The following MYOZ2 variants were observed in gnomAD, a reference collection of about 807,000 sequenced individuals.
MYOZ2 encodes the protein myozenin 2.
A neutral mutation model predicts 25.4 loss-of-function variants in MYOZ2; 19 were observed. The ratio of observed to expected loss-of-function variants is 0.75; its 90% confidence interval spans 0.52 to 1.10. The LOEUF is 1.10. MYOZ2 is among the 50% of genes least tolerant of loss of function. The pLI is 0.00. For missense variants in MYOZ2, 270 were observed against 317.9 expected, an observed-to-expected ratio of 0.85 and a Z score of 1.15; for synonymous variants, 92 against 106.9, an observed-to-expected ratio of 0.86 and a Z score of 0.86.
intron 5 of MYOZ2, among the ~76,000 whole-genome samples, chr4:119,177,308 A>G (rs762977663): frequency 1.3e-5 from 2 of 152,172 alleles, no homozygotes; most frequent in Non-Finnish European, 1.5e-5. Context: ...TTGCACTCAT[A>G]TTTAAGCAGC....
At chr4:119,155,551 G>C (rs1436848203) in intron 3 of MYOZ2, among the ~76,000 whole-genome samples, 1 of 152,160 alleles carries the variant, frequency 6.6e-6, no homozygotes, top group East Asian at 1.9e-4. Flanking sequence ...GAACAGAAAA[G>C]AGGGCATTCA....
rs146485825 is a variant in MYOZ2, at chr4:119,166,038, C to CGT, written c.560+1660_560+1661dup. On this transcript the variant is annotated intron_variant, in intron 5 of 5. Transcript: ENST00000307128. ...AAATATTACATGCTGTGTGTGTGTG[C>CGT]GTGTGTGTGTGTGTGTGAAAACTTA... Among the ~76,000 whole-genome samples, 531 of 150,338 alleles carry CGT rather than the reference C, an allele frequency of 3.5e-3. 1 individual carries two copies. The highest frequency in any genetic ancestry group is 4.8e-3 in the Non-Finnish European group (326 of 67,320).
intron 2 of MYOZ2, among the ~76,000 whole-genome samples, chr4:119,146,941 A>G (rs754226406): frequency 4.6e-5 from 7 of 152,044 alleles, no homozygotes; most frequent in Non-Finnish European, 1.0e-4. Context: ...ATCTTTGTGG[A>G]TTCGCACTTT....
At chr4:119,145,487 C>T (rs1235372826) in intron 2 of MYOZ2, among the ~76,000 whole-genome samples, 2 of 148,208 alleles carry the variant, frequency 1.3e-5, no homozygotes, top group African/African-American at 5.0e-5. Context: ...GACCAACCCA[C>T]CACCATGCCC....
chr4:119,146,607 C>A (rs966967912), intron 2 of MYOZ2, among the ~76,000 whole-genome samples: 3 of 152,000 alleles, frequency 2.0e-5, no homozygotes, highest in Non-Finnish European at 4.4e-5. Flanking sequence ...ATAATTTAAC[C>A]ATTTTAATTT....
intron 2 of MYOZ2, among the ~76,000 whole-genome samples, chr4:119,139,210 C>T (rs1741106441): frequency 6.6e-6 from 1 of 152,136 alleles, no homozygotes; most frequent in South Asian, 2.1e-4. Flanking sequence ...TTTAGATTTA[C>T]CTTCCTCATT....
chr4:119,157,216 T>C (rs1578734224), intron 3 of MYOZ2, among the ~76,000 whole-genome samples: 1 of 152,310 alleles, frequency 6.6e-6, no homozygotes, highest in East Asian at 1.9e-4. Context: ...TAATCGCTTC[T>C]TTTTAAAATA....
chr4:119,139,441 T>A (rs1741111202), intron 2 of MYOZ2, among the ~76,000 whole-genome samples: 1 of 152,222 alleles, frequency 6.6e-6, no homozygotes, highest in African/African-American at 2.4e-5. Context: ...TGGCCTCTGA[T>A]AGTCCCCACC....
intron 5 of MYOZ2, among the ~76,000 whole-genome samples, chr4:119,177,587 C>A (rs1298992998): frequency 6.6e-6 from 1 of 151,634 alleles, no homozygotes; most frequent in Non-Finnish European, 1.5e-5. Context: ...TTTTATTTTT[C>A]AAAAAAAAGT....
rs376414956 is a variant in MYOZ2 at position 119,141,108 on chromosome 4, A to G, written c.76+4507A>G. ...ATTTTATGGACTATTATTCAATTAC[A>G]TAGGCCAACTGTCCAGGGACAGGAG... On this transcript the variant is annotated intron_variant, in intron 2 of 5. Coordinates refer to ENST00000307128, the MANE Select transcript of MYOZ2 (RefSeq NM_016599.5). Among the ~76,000 whole-genome samples, 133 of 152,358 alleles carry G rather than the reference A, an allele frequency of 8.7e-4. 1 individual carries two copies. The highest frequency in any genetic ancestry group is 3.1e-3 in the African/African-American group (129 of 41,588).
chr4:119,172,428 C>G (rs533239454), intron 5 of MYOZ2, among the ~76,000 whole-genome samples: 1 of 152,168 alleles, frequency 6.6e-6, no homozygotes, highest in Non-Finnish European at 1.5e-5. Context: ...AAGATGAAAT[C>G]AGAGTGAGTC....
intron 3 of MYOZ2, among the ~76,000 whole-genome samples, chr4:119,153,792 A>G (rs920894496): frequency 6.6e-6 from 1 of 152,166 alleles, no homozygotes; most frequent in African/African-American, 2.4e-5. Context: ...TTCAAGCTAC[A>G]TATACTTTCT....
At chr4:119,160,341 G>C (rs139192936) in intron 4 of MYOZ2, among the ~76,000 whole-genome samples, 222 of 151,174 alleles carry the variant, frequency 1.5e-3, no homozygotes, top group African/African-American at 5.2e-3. Context: ...TATTAAATAG[G>C]AAAGAGAGAG....
chr4:119,150,096 T>C (rs1741412750), intron 2 of MYOZ2, among the ~76,000 whole-genome samples: 1 of 152,192 alleles, frequency 6.6e-6, no homozygotes, highest in Non-Finnish European at 1.5e-5. Flanking sequence ...GTATCTCTTT[T>C]GGATTTTGGA....
At chr4:119,168,241 G>A (rs1377485644) in intron 5 of MYOZ2, among the ~76,000 whole-genome samples, 1 of 152,196 alleles carries the variant, frequency 6.6e-6, no homozygotes, top group Non-Finnish European at 1.5e-5. Context: ...CAAAGTGCTG[G>A]GATTATGGGC....
At chr4:119,169,990 T>G (rs2149226998) in intron 5 of MYOZ2, among the ~76,000 whole-genome samples, 1 of 152,304 alleles carries the variant, frequency 6.6e-6, no homozygotes, top group Admixed American at 6.5e-5. Context: ...TTTTTGTTGT[T>G]GTTGTCATGG....
intron 2 of MYOZ2, among the ~76,000 whole-genome samples, chr4:119,137,609 C>T (rs771568824): frequency 4.6e-5 from 7 of 152,134 alleles, no homozygotes; most frequent in Admixed American, 6.6e-5. Context: ...ATGCTCCCCA[C>T]GCAATGTAAT....
intron 3 of MYOZ2, among the ~76,000 whole-genome samples, chr4:119,151,304 G>A (rs1483599617): frequency 6.6e-6 from 1 of 152,128 alleles, no homozygotes; most frequent in African/African-American, 2.4e-5. Context: ...ACTAAGAGGA[G>A]GGAGAGGGAG....
chr4:119,163,470 AT>A (rs1449750323), intron 4 of MYOZ2, among the ~76,000 whole-genome samples: 1 of 152,220 alleles, frequency 6.6e-6, no homozygotes, highest in African/African-American at 2.4e-5. Context: ...CACTCTATGC[AT>A]GTGAAAAAGG....
Sources: gnomAD v4.1 joint callset for allele counts (sites outside exome capture counted in the v4.1 genomes callset) on GRCh38, gnomAD v4.1.1 for gene constraint, MANE v1.5 for transcripts, NCBI Gene and HGNC (gene_info 2026-07-23, HGNC 2026-07-21) for gene names.